ZC3H4: variants seen among roughly 807,000 people sequenced by gnomAD.
ZC3H4 encodes zinc finger CCCH domain-containing protein 4.
A neutral mutation model predicts 108.3 loss-of-function variants in ZC3H4; 13 were observed. The ratio of observed to expected loss-of-function variants is 0.12; its 90% CI spans 0.08 to 0.19. ZC3H4 has a LOEUF of 0.19. Among genes scored for constraint, ZC3H4 ranks in the 10% least tolerant of loss-of-function variants. ZC3H4 has a pLI of 1.00. For synonymous variants in ZC3H4, 917 were observed against 749.6 expected (o/e 1.22, Z -3.65); for missense variants, 1,734 against 1,838.8 (o/e 0.94, Z 1.04).
In ZC3H4 at chr19:47,084,295, C is replaced by T. The variant is rs372206599; in HGVS notation, c.1218+50G>A. The T allele has an allele frequency of 4.6e-5, 73 of 1,575,262 alleles. No individual in the cohort carries two copies. The East Asian group carries it at 4.7e-4, about 10-fold the overall frequency. On this transcript the variant is annotated intron_variant, in intron 9 of 14. Transcript: ENST00000253048. ...CAGAACCTTCTGGAAGCCATGTGTC[C>T]TCTGGGGGCTATGGCCTCCTAGAGG...
chr19:47,086,604 C>G, intron 5 of ZC3H4, 66 bp from the exon 6 acceptor site: 1 of 1,500,080 alleles, frequency 6.7e-7, no homozygotes, highest in Non-Finnish European at 8.8e-7. Flanking sequence ...AAGAAGACAA[C>G]CCACATTTTG....
chr19:47,088,496 C>G (rs957764339), intron 5 of ZC3H4, among the ~76,000 whole-genome samples: 1 of 151,618 alleles, frequency 6.6e-6, no homozygotes, highest in Non-Finnish European at 1.5e-5. Context: ...TGCAGTGAGC[C>G]GAGATCGCGC....
At chr19:47,069,373 T>G in intron 13 of ZC3H4, 30 bp from the exon 14 acceptor site, 1 of 1,601,516 alleles carries the variant, frequency 6.2e-7, no homozygotes. Context: ...AGGGTTCATG[T>G]CGGGAAGGGC....
At chr19:47,085,716 G>C (rs2057608598) in intron 6 of ZC3H4, among the ~76,000 whole-genome samples, 2 of 152,150 alleles carry the variant, frequency 1.3e-5, no homozygotes, top group Admixed American at 1.3e-4. Context: ...GGTAGGACCA[G>C]GATGGCAAGT....
intron 2 of ZC3H4, among the ~76,000 whole-genome samples, chr19:47,103,413 C>T (rs2057927826): frequency 6.6e-6 from 1 of 152,154 alleles, no homozygotes; most frequent in Non-Finnish European, 1.5e-5. Context: ...AAGCAATCTT[C>T]CCACGTCAGC....
Position 47,066,824 on chromosome 19 carries a change from G to A in ZC3H4, c.3444C>T (p.Leu1148=), listed in dbSNP as rs1347633364. 4 of 1,600,110 alleles carry A rather than the reference G, an allele frequency of 2.5e-6. No homozygotes were observed. The highest frequency in any genetic ancestry group is 1.3e-5 in the African/African-American group (1 of 74,922). ...CCGCGTTGGGAGTCCTCGGGTCGTA[G>A]AGGCTGATACCGCTCAGCACACTGC... ...GQSSVLSGIS[L]YDPRTPNAGG... The change falls in exon 15 of 15, where the codon CTC becomes CTT. Residue 1148 remains leucine, a synonymous_variant. Coordinates refer to ENST00000253048, the MANE Select transcript of ZC3H4 (RefSeq NM_015168.2).
chr19:47,089,131 G>A lies in ZC3H4; in HGVS notation c.715+836C>T, dbSNP rs544691498. Reference sequence around the variant, plus strand: ...TGAGGCAGAAGAATTGCTTGAACCCGGAAAGCAGAGGTTGCAGTGAGCCGA... The same window carrying A: ...TGAGGCAGAAGAATTGCTTGAACCCAGAAAGCAGAGGTTGCAGTGAGCCGA... On this transcript the variant is annotated intron_variant, in intron 5 of 14. Coordinates refer to ENST00000253048, the MANE Select transcript of ZC3H4 (RefSeq NM_015168.2). Among the ~76,000 whole-genome samples the A allele has an allele frequency of 5.4e-5, 8 of 149,000 alleles. No homozygotes were observed. The East Asian group carries it at 1.0e-3, about 19-fold the overall frequency.
chr19:47,087,698 G>A (rs960599175), intron 5 of ZC3H4, among the ~76,000 whole-genome samples: 1 of 152,140 alleles, frequency 6.6e-6, no homozygotes, highest in African/African-American at 2.4e-5. Context: ...GGGCAACACA[G>A]TGAAACCCAT....
chr19:47,096,597 T>C (rs866144106), intron 2 of ZC3H4, among the ~76,000 whole-genome samples: 6 of 152,184 alleles, frequency 3.9e-5, no homozygotes, highest in Admixed American at 1.3e-4. Context: ...GGGCCACACC[T>C]CAAGAGAAAG....
In ZC3H4 at chr19:47,112,552, C is replaced by T. The variant is rs896764603; in HGVS notation, c.33G>A (p.Pro11=). The change falls in exon 2 of 15, where the codon CCG becomes CCA. Residue 11 remains proline, a synonymous_variant. Coordinates refer to ENST00000253048, the MANE Select transcript of ZC3H4 (RefSeq NM_015168.2). MEAAPGTPPP[P]PSESPPPPSP... Reference sequence around the variant, plus strand: ...ATGGCGGCGGCGGCGACTCTGATGGCGGCGGCGGGGGGGTCCCGGGCGCGG... The same window carrying T: ...ATGGCGGCGGCGGCGACTCTGATGGTGGCGGCGGGGGGGTCCCGGGCGCGG... 4.8e-6 allele frequency: 5 copies of T among 1,032,070 alleles called. No individual in the cohort carries two copies. The highest frequency in any genetic ancestry group is 4.3e-5 in the Admixed American group (1 of 23,440). 63.9% of individuals were successfully genotyped at this position (1,032,070 alleles called of 1,614,324 possible).
intron 4 of ZC3H4, among the ~76,000 whole-genome samples, chr19:47,092,448 G>C (rs2057749454): frequency 6.6e-6 from 1 of 152,188 alleles, no homozygotes; most frequent in South Asian, 2.1e-4. Context: ...ATTGGACAAT[G>C]AATCATTTGT....
chr19:47,066,670 C>T lies in ZC3H4; in HGVS notation c.3598G>A (p.Glu1200Lys). 1 of 1,611,744 alleles carries T rather than the reference C, an allele frequency of 6.2e-7. No homozygotes were observed. The highest frequency in any genetic ancestry group is 2.2e-5 in the East Asian group (1 of 44,826). The change falls in exon 15 of 15, where the codon GAG (glutamate) becomes AAG (lysine). Residue 1200 changes from glutamate (E) to lysine (K), a missense_variant. By Grantham distance (56) the Glu-to-Lys change is moderately conservative (BLOSUM62 1). Around this residue, in one of 9 missense-constraint regions of ZC3H4, gnomAD observed 518 missense variants for 499.6 expected, o/e 1.04. Transcript: ENST00000253048. ...FVRKSALEQPETGKAGADGGT... is the reference protein window; with the variant it reads ...FVRKSALEQPKTGKAGADGGT... The stretch of plus-strand genomic sequence containing the variant: ...CCATCAGCACCGGCCTTCCCTGTCT[C>T]TGGCTGTTCCAGGGCAGACTTGCGG...
intron 11 of ZC3H4, among the ~76,000 whole-genome samples, chr19:47,075,595 C>A (rs1016853482): frequency 5.9e-5 from 9 of 152,112 alleles, no homozygotes; most frequent in African/African-American, 2.2e-4. Context: ...CGGCCTGATC[C>A]CCACGTGTGT....
Position 47,066,491 on chromosome 19 carries a change from C to T in ZC3H4, c.3777G>A (p.Val1259=). 1 of 1,582,136 alleles carries T rather than the reference C, an allele frequency of 6.3e-7. No individual in the cohort carries two copies. Among genetic ancestry groups the T allele is most frequent in the Non-Finnish European group, 8.6e-7 (1 of 1,163,146 alleles). The change falls in exon 15 of 15, where the codon GTG becomes GTA. Residue 1259 remains valine (V), a synonymous_variant. Coordinates refer to ENST00000253048, the MANE Select transcript of ZC3H4 (RefSeq NM_015168.2). Reference sequence around the variant, plus strand: ...CTGAGCCCGTCTTGGGTGTCTGCTTCACCGTCCCGAAGAGGGTGGGCACGG... The same window carrying T: ...CTGAGCCCGTCTTGGGTGTCTGCTTTACCGTCCCGAAGAGGGTGGGCACGG... ...NLPVPTLFGT[V]KQTPKTGSGS...
At chr19:47,112,967 G>A (rs1164714321) in intron 1 of ZC3H4, among the ~76,000 whole-genome samples, 1 of 152,110 alleles carries the variant, frequency 6.6e-6, no homozygotes, top group Non-Finnish European at 1.5e-5. Context: ...AGAGGAGAGC[G>A]AGCGAGGGGG....
chr19:47,111,603 AC>A (rs1406686662), intron 2 of ZC3H4, among the ~76,000 whole-genome samples: 1 of 151,774 alleles, frequency 6.6e-6, no homozygotes, highest in Non-Finnish European at 1.5e-5. Flanking sequence ...AAGCGAGAGG[AC>A]CCCTGCCCTT....
rs767103464 is a variant in ZC3H4, at chr19:47,067,529, G to A, written c.2739C>T (p.Ser913=). 3.8e-6 allele frequency: 6 copies of A among 1,596,464 alleles called. No individual in the cohort carries two copies. The highest frequency in any genetic ancestry group is 5.1e-6 in the Non-Finnish European group (6 of 1,171,444). Reference sequence around the variant, plus strand: ...GGGGCGGCCCAGACCCCTTGGAACTGCTGGGGCCCACAGGGCTGGAATGAA... The same window carrying A: ...GGGGCGGCCCAGACCCCTTGGAACTACTGGGGCCCACAGGGCTGGAATGAA... ...GSLHSSPVGP[S]SSKGSGPPPT... is the part of the protein sequence containing the mutation. Residue 913 remains serine (S), a synonymous_variant, in exon 15 of 15, where the codon AGC becomes AGT. Coordinates refer to ENST00000253048, the MANE Select transcript of ZC3H4 (RefSeq NM_015168.2). The surrounding 1 kb of genome is among the most constrained non-coding windows in gnomAD (Gnocchi z 6.4).
In ZC3H4 at chr19:47,070,045, C is replaced by T. The variant is rs574603099; in HGVS notation, c.2147-702G>A. Among the ~76,000 whole-genome samples, 10 of 152,056 alleles carry T rather than the reference C, an allele frequency of 6.6e-5. No individual in the cohort carries two copies. In the South Asian group the frequency reaches 1.2e-3, roughly 19 times the overall value. On this transcript the variant is annotated intron_variant, in intron 13 of 14. Coordinates refer to ENST00000253048, the MANE Select transcript of ZC3H4 (RefSeq NM_015168.2). Reference sequence around the variant, plus strand: ...CAGGCTGACGTGGGGACGCAGCAGGCGTAGAGGGGAGGGCAGGCTCGGCGA... The same window carrying T: ...CAGGCTGACGTGGGGACGCAGCAGGTGTAGAGGGGAGGGCAGGCTCGGCGA...
Position 47,083,295 on chromosome 19 carries a change from C to T in ZC3H4, c.1219-1000G>A, listed in dbSNP as rs140054748. Among the ~76,000 whole-genome samples, 568 of 136,908 alleles carry T rather than the reference C, an allele frequency of 4.1e-3. 2 individuals carry two copies. The highest frequency in any genetic ancestry group is 0.015 in the African/African-American group (538 of 36,316). The allele number at this position is 136,908 out of a possible 152,430, so 89.8% of individuals were successfully genotyped here. A position where few individuals can be genotyped will look rare whatever the true frequency, so the allele number is the denominator to read the frequency against. On this transcript the variant is annotated intron_variant, in intron 9 of 14. Transcript: ENST00000253048. Reference sequence around the variant, plus strand: ...CCAGCCTGGGCGACAGAGAGAGACTCGGTCTAAAAAAAATTAAAAAAAAAA... The same window carrying T: ...CCAGCCTGGGCGACAGAGAGAGACTTGGTCTAAAAAAAATTAAAAAAAAAA...
Sources: gnomAD v4.1 joint callset for allele counts (sites outside exome capture counted in the v4.1 genomes callset) on GRCh38, gnomAD v4.1.1 for gene constraint, gnomAD v4.1.1 regional missense constraint, Gnocchi (gnomAD v3.1) non-coding constraint, MANE v1.5 for transcripts, NCBI Gene and HGNC (gene_info 2026-07-23, HGNC 2026-07-21) for gene names.